STK3: variants seen among roughly 807,000 people sequenced by gnomAD.
STK3 encodes the protein serine/threonine-protein kinase 3.
Under a neutral mutation model 58.0 loss-of-function variants are expected in STK3, and 41 were observed. The observed-to-expected ratio is 0.71, with a 90% CI of 0.55 to 0.92. The LOEUF (loss-of-function observed/expected upper bound fraction) is 0.92. Ranked by LOEUF, STK3 falls within the 40% of genes least tolerant of loss-of-function variation. The pLI is 0.00. For missense variants in STK3, 479 were observed against 602.7 expected, an observed-to-expected ratio of 0.79 and a Z score of 2.15; for synonymous variants, 170 against 191.0, an observed-to-expected ratio of 0.89 and a Z score of 0.91.
rs143059441 is a variant in STK3 at position 98,621,829 on chromosome 8, C to G, written c.685-25660G>C. On this transcript the variant is annotated intron_variant, in intron 6 of 10. Transcript: ENST00000419617. ...ATCTATATAGCTAGTCCCAGAATCA[C>G]TGGTAATTGCTTACATAAGAAGCTC... Among the ~76,000 whole-genome samples, 1,400 of 152,098 alleles carry G rather than the reference C, an allele frequency of 9.2e-3. 17 individuals carry two copies. The highest frequency in any genetic ancestry group is 0.032 in the African/African-American group (1,323 of 41,482).
At chr8:98,711,022 C>G (rs1408536601) in intron 4 of STK3, among the ~76,000 whole-genome samples, 1 of 152,202 alleles carries the variant, frequency 6.6e-6, no homozygotes, top group Non-Finnish European at 1.5e-5. Flanking sequence ...CATACCCAGG[C>G]AAACAGAGTC....
rs1241750204 is a variant in STK3 at position 98,488,223 on chromosome 8, C to G, written c.1318-32223G>C. The stretch of plus-strand genomic sequence containing the variant: ...TGTGAAGAATGGTGAAGCATGGCTT[C>G]ATCAAATGACCTGTGCTAATAGAGC... On this transcript the variant is annotated intron_variant, in intron 10 of 10. Coordinates refer to ENST00000419617, the MANE Select transcript of STK3 (RefSeq NM_006281.4). Among the ~76,000 whole-genome samples the G allele has an allele frequency of 8.5e-5, 13 of 152,278 alleles. 1 individual carries two copies. The South Asian group carries it at 2.7e-3, about 32-fold the overall frequency.
chr8:98,549,953 G>A (rs1270105611), intron 8 of STK3, among the ~76,000 whole-genome samples: 1 of 152,160 alleles, frequency 6.6e-6, no homozygotes, highest in Non-Finnish European at 1.5e-5. Context: ...GCTACAGTGA[G>A]CTATGATGGT....
chr8:98,861,307 C>T (rs369299919), intron 3 of STK3, among the ~76,000 whole-genome samples: 1 of 150,284 alleles, frequency 6.7e-6, no homozygotes, highest in East Asian at 1.9e-4. Context: ...TAACATGTCA[C>T]GTCTTGCAAT....
intron 3 of STK3, among the ~76,000 whole-genome samples, chr8:98,756,170 A>G (rs1284426252): frequency 6.6e-6 from 1 of 151,950 alleles, no homozygotes; most frequent in East Asian, 1.9e-4. Context: ...TAAAATTAAA[A>G]AATAAAGAAA....
intron 8 of STK3, among the ~76,000 whole-genome samples, chr8:98,550,807 G>T (rs12542758): frequency 6.6e-6 from 1 of 151,882 alleles, no homozygotes; most frequent in East Asian, 1.9e-4. Context: ...TAAATAAAAA[G>T]GTAAGCAAAA....
intron 10 of STK3, among the ~76,000 whole-genome samples, chr8:98,515,634 T>C (rs1824871718): frequency 1.3e-5 from 2 of 152,102 alleles, no homozygotes; most frequent in South Asian, 2.1e-4. Flanking sequence ...TGTTAAATAG[T>C]ACAAAGTAAA....
At chr8:98,706,728 A>G in intron 5 of STK3, 94 bp from the exon 6 acceptor site, 1 of 1,291,150 alleles carries the variant, frequency 7.7e-7, no homozygotes, top group South Asian at 1.8e-5. Flanking sequence ...AAAACCTCCA[A>G]TGCCACAGAT....
intron 10 of STK3, among the ~76,000 whole-genome samples, chr8:98,499,313 A>C (rs1053082071): frequency 6.6e-6 from 1 of 152,222 alleles, no homozygotes; most frequent in Non-Finnish European, 1.5e-5. Context: ...CTATAAAAGA[A>C]TAAATTTCTG....
downstream of STK3, chr8:98,879,690 G>GTGCAA (rs1398595795): frequency 6.6e-6 from 1 of 151,824 alleles, no homozygotes; most frequent in African/African-American, 2.4e-5. Context: ...ATTAATCAGT[G>GTGCAA]TGCAATAACT....
At chr8:98,873,262 C>T (rs147190904) in intron 3 of STK3, among the ~76,000 whole-genome samples, 5,805 of 152,150 alleles carry the variant, frequency 0.038, 139 homozygotes, top group South Asian at 0.068. Context: ...CTTCCAACTA[C>T]GTGGTCAATT....
intron 1 of STK3, chr8:98,379,219 A>G (rs1323886855): frequency 6.6e-6 from 1 of 152,196 alleles, no homozygotes; most frequent in Non-Finnish European, 1.5e-5. Context: ...TGCAAGGAAA[A>G]ATAACCTTCG....
At chr8:98,361,116 T>G in the STK3 span, among the ~76,000 whole-genome samples, 1 of 152,196 alleles carries the variant, frequency 6.6e-6, no homozygotes, top group Admixed American at 6.5e-5. Flanking sequence ...TAGATTACAC[T>G]GAGTACCCCC....
chr8:98,347,391 T>G, the STK3 span, among the ~76,000 whole-genome samples: 1 of 151,454 alleles, frequency 6.6e-6, no homozygotes, highest in Non-Finnish European at 1.5e-5. Context: ...GGCGGGCGCC[T>G]GTAGTCCCAG....
intron 1 of STK3, among the ~76,000 whole-genome samples, chr8:98,776,671 T>C (rs1831699399): frequency 6.6e-6 from 1 of 151,894 alleles, no homozygotes; most frequent in Non-Finnish European, 1.5e-5. Flanking sequence ...TGTGCATACC[T>C]GGCACAATCT....
chr8:98,715,056 T>C (rs1227312029), intron 4 of STK3, among the ~76,000 whole-genome samples: 2 of 152,192 alleles, frequency 1.3e-5, no homozygotes, highest in Non-Finnish European at 2.9e-5. Context: ...TAATAAATGG[T>C]GCTGGGAAAA....
In STK3 at chr8:98,773,408, GCTA is replaced by G. The variant is rs1484784479; in HGVS notation, c.107+1328_107+1330del. ...CTTTAATGTATCTAATATAAATATT[GCTA>G]CTATTACTTTCTGTTTTTTTATTTG... is the stretch of plus-strand genomic sequence containing the variant. On this transcript the variant is annotated intron_variant, in intron 2 of 10. Transcript: ENST00000419617. 1.4e-3 allele frequency among the ~76,000 whole-genome samples: 212 copies of G among 151,992 alleles called. 1 individual carries two copies. The highest frequency in any genetic ancestry group is 4.9e-3 in the African/African-American group (205 of 41,436).
At chr8:98,522,537 T>A (rs535960463) in intron 10 of STK3, among the ~76,000 whole-genome samples, 20 of 152,296 alleles carry the variant, frequency 1.3e-4, no homozygotes, top group Admixed American at 5.2e-4. Flanking sequence ...CCTCTTCTCT[T>A]ATGCATTTTT....
At chr8:98,637,388 T>C (rs1819699854) in intron 6 of STK3, among the ~76,000 whole-genome samples, 1 of 152,060 alleles carries the variant, frequency 6.6e-6, no homozygotes, top group South Asian at 2.1e-4. Context: ...CATGGGCCAA[T>C]TAGTTTAAAA....
Sources: allele counts gnomAD v4.1 joint callset (sites outside exome capture counted in the v4.1 genomes callset), GRCh38; gene constraint gnomAD v4.1.1; transcripts MANE v1.5; gene names NCBI Gene and HGNC (gene_info 2026-07-23, HGNC 2026-07-21).